The following ERBB4 variants were observed in gnomAD, a reference collection of about 807,000 sequenced individuals.
ERBB4 encodes erb-b2 receptor tyrosine kinase 4.
Under a neutral mutation model 158.0 loss-of-function variants are expected in ERBB4, and 42 were observed. The observed-to-expected ratio is 0.27, with a 90% CI of 0.21 to 0.34. The LOEUF is 0.34. Among genes scored for constraint, ERBB4 ranks in the 10% least tolerant of loss-of-function variants. The probability of loss-of-function intolerance (pLI) is 1.00; values close to 1 mark genes in which losing one functional copy is unlikely to be tolerated. For synonymous variants in ERBB4, 583 were observed against 558.7 expected, an observed-to-expected ratio of 1.04 and a Z score of -0.61; for missense variants, 1,333 against 1,624.1, an observed-to-expected ratio of 0.82 and a Z score of 3.08.
At chr2:212,194,364 A>C (rs1158417955) in intron 1 of ERBB4, among the ~76,000 whole-genome samples, 1 of 151,688 alleles carries the variant, frequency 6.6e-6, no homozygotes, top group Non-Finnish European at 1.5e-5. Flanking sequence ...GATCCTCAAG[A>C]AAGTTTGGGA....
intron 1 of ERBB4, among the ~76,000 whole-genome samples, chr2:212,273,634 TA>T (rs2085420498): frequency 6.6e-6 from 1 of 151,814 alleles, no homozygotes; most frequent in Non-Finnish European, 1.5e-5. Flanking sequence ...CACAAAAAAG[TA>T]ATCACTAATA....
chr2:211,802,440 G>A (rs866843764), intron 3 of ERBB4, among the ~76,000 whole-genome samples: 1 of 152,116 alleles, frequency 6.6e-6, no homozygotes, highest in African/African-American at 2.4e-5. Context: ...TTAACTATTA[G>A]GTTCTCTATT....
intron 1 of ERBB4, among the ~76,000 whole-genome samples, chr2:212,403,122 G>T (rs1179285214): frequency 6.6e-6 from 1 of 151,946 alleles, no homozygotes; most frequent in African/African-American, 2.4e-5. Flanking sequence ...TGGTGAACTT[G>T]GTTTTTATTA....
chr2:211,544,054 A>G (rs576673459), intron 20 of ERBB4, among the ~76,000 whole-genome samples: 1 of 152,078 alleles, frequency 6.6e-6, no homozygotes, highest in East Asian at 1.9e-4. Context: ...TGATATAATG[A>G]TAATCCATAG....
intron 1 of ERBB4, among the ~76,000 whole-genome samples, chr2:212,327,728 C>CTTTTT (rs11413473): frequency 7.5e-6 from 1 of 133,370 alleles, no homozygotes; most frequent in Non-Finnish European, 1.6e-5. Context: ...TTCTTTTTTT[C>CTTTTT]TTTTTTTTTT....
At chr2:212,462,353 C>T (rs1166895732) in intron 1 of ERBB4, among the ~76,000 whole-genome samples, 1 of 152,122 alleles carries the variant, frequency 6.6e-6, no homozygotes, top group African/African-American at 2.4e-5. Context: ...GCAAACTATT[C>T]ATCTGTCAGG....
intron 16 of ERBB4, among the ~76,000 whole-genome samples, chr2:211,649,662 A>T (rs1479440074): frequency 6.6e-6 from 1 of 151,926 alleles, no homozygotes. Flanking sequence ...TTACTCTACT[A>T]AAAGTAACTA....
At chr2:211,641,676 T>C (rs1201315653) in intron 16 of ERBB4, among the ~76,000 whole-genome samples, 1 of 152,160 alleles carries the variant, frequency 6.6e-6, no homozygotes, top group Non-Finnish European at 1.5e-5. Flanking sequence ...TGGTAGTTTT[T>C]ATAGAAGAAA....
intron 1 of ERBB4, among the ~76,000 whole-genome samples, chr2:212,301,790 A>G (rs1335510711): frequency 6.6e-6 from 1 of 151,354 alleles, no homozygotes; most frequent in African/African-American, 2.4e-5. Flanking sequence ...TTAAAAATGA[A>G]TATGTGGCCC....
At chr2:211,574,960 C>T (rs534899247) in intron 19 of ERBB4, among the ~76,000 whole-genome samples, 1 of 152,274 alleles carries the variant, frequency 6.6e-6, no homozygotes, top group African/African-American at 2.4e-5. Flanking sequence ...TTGATTTACA[C>T]CTGAACTCAC....
chr2:211,971,067 C>T (rs2081439312), intron 2 of ERBB4, among the ~76,000 whole-genome samples: 1 of 152,144 alleles, frequency 6.6e-6, no homozygotes, highest in South Asian at 2.1e-4. Context: ...CAAGGCAGGT[C>T]TGGTGGTAAC....
intron 1 of ERBB4, among the ~76,000 whole-genome samples, chr2:212,385,670 G>C (rs1560179247): frequency 6.6e-6 from 1 of 151,628 alleles, no homozygotes; most frequent in African/African-American, 2.4e-5. Context: ...TCAATCACAA[G>C]AGAAAAAGTA....
intron 12 of ERBB4, among the ~76,000 whole-genome samples, chr2:211,695,010 G>C (rs1421196166): frequency 6.6e-6 from 1 of 152,114 alleles, no homozygotes; most frequent in Non-Finnish European, 1.5e-5. Context: ...ACGATATAAA[G>C]TCTGTTTATT....
intron 3 of ERBB4, among the ~76,000 whole-genome samples, chr2:211,934,941 A>AAAAAAAAAAAAAAAC (rs1575401060): frequency 6.7e-6 from 1 of 150,220 alleles, no homozygotes; most frequent in Non-Finnish European, 1.5e-5. Context: ...AAAAAAAAAA[A>AAAAAAAAAAAAAAAC]CTGCCTTGAA....
intron 25 of ERBB4, among the ~76,000 whole-genome samples, chr2:211,398,787 C>T (rs1174784020): frequency 2.6e-5 from 4 of 152,294 alleles, no homozygotes; most frequent in Admixed American, 1.3e-4. Context: ...GCCGAGATTG[C>T]GCCACTGCAC....
At chr2:211,800,429 T>G (rs1045066522) in intron 3 of ERBB4, among the ~76,000 whole-genome samples, 1 of 152,152 alleles carries the variant, frequency 6.6e-6, no homozygotes, top group Non-Finnish European at 1.5e-5. Context: ...ATTTTTAGTC[T>G]GTGCTCTCCC....
intron 20 of ERBB4, among the ~76,000 whole-genome samples, chr2:211,481,562 C>G (rs1215183439): frequency 6.7e-6 from 1 of 149,778 alleles, no homozygotes; most frequent in East Asian, 2.0e-4. Context: ...AATATCTACT[C>G]TCTGGAAGTA....
chr2:211,457,497 A>G (rs1386491963), intron 20 of ERBB4, among the ~76,000 whole-genome samples: 1 of 152,218 alleles, frequency 6.6e-6, no homozygotes, highest in Non-Finnish European at 1.5e-5. Context: ...TCCAACTGCC[A>G]CTTATCCTAG....
intron 2 of ERBB4, among the ~76,000 whole-genome samples, chr2:212,101,748 A>C (rs1446497635): frequency 6.6e-6 from 1 of 151,992 alleles, no homozygotes; most frequent in Non-Finnish European, 1.5e-5. Context: ...TTAAGAAAAA[A>C]AAATTACTTC....
Sources: gnomAD v4.1 joint callset for allele counts (sites outside exome capture counted in the v4.1 genomes callset) on GRCh38, gnomAD v4.1.1 for gene constraint, MANE v1.5 for transcripts, NCBI Gene and HGNC (gene_info 2026-07-23, HGNC 2026-07-21) for gene names.